Variants in DHRSX observed in about 807,000 individuals in gnomAD.
DHRSX encodes the protein dehydrogenase/reductase X-linked, also known as polyprenol dehydrogenase.
Under a neutral mutation model 34.0 loss-of-function variants are expected in DHRSX, and 31 were observed. The observed-to-expected ratio is 0.91, with a 90% CI of 0.69 to 1.23. The LOEUF is 1.23. Among genes scored for constraint, DHRSX ranks in the 50% most tolerant of loss-of-function variants. The pLI is 0.00. For synonymous variants in DHRSX, 201 were observed against 183.8 expected (o/e 1.09, Z -0.76); for missense variants, 414 against 428.1 (o/e 0.97, Z 0.29).
intron 3 of DHRSX, among the ~76,000 whole-genome samples, chrX:2,356,760 G>A (rs182584164): frequency 1.3e-3 from 201 of 152,262 alleles, no homozygotes; most frequent in African/African-American, 4.7e-3. Context: ...TTGATGAATA[G>A]TAAATGTAGT....
At chrX:2,269,623 G>A (rs1336782485) in intron 4 of DHRSX, among the ~76,000 whole-genome samples, 5 of 152,066 alleles carry the variant, frequency 3.3e-5, no homozygotes, top group East Asian at 3.9e-4. Flanking sequence ...TGCAACCTCC[G>A]CCTCCCAGGT....
chrX:2,465,059 C>A (rs1182274196), intron 1 of DHRSX, among the ~76,000 whole-genome samples: 1 of 151,494 alleles, frequency 6.6e-6, no homozygotes, highest in African/African-American at 2.4e-5. Context: ...GTTCCCTAGG[C>A]ATATGGCCAA....
At chrX:2,411,747 C>CAA (rs1353747133) in intron 2 of DHRSX, among the ~76,000 whole-genome samples, 2 of 95,220 alleles carry the variant, frequency 2.1e-5, no homozygotes, top group African/African-American at 7.5e-5. Flanking sequence ...CAAAACAAAA[C>CAA]AAAACAAAAA....
intron 1 of DHRSX, among the ~76,000 whole-genome samples, chrX:2,459,768 G>A (rs1218202982): frequency 1.3e-5 from 2 of 151,882 alleles, no homozygotes; most frequent in Admixed American, 6.6e-5. Context: ...ATGTTCCAAG[G>A]GGCTCCAAGT....
At chrX:2,489,976 C>A in intron 1 of DHRSX, 1 of 1,613,918 alleles carries the variant, frequency 6.2e-7, no homozygotes, top group Non-Finnish European at 8.5e-7. Context: ...AGAGCACTCG[C>A]GTGATGGTCT....
At chrX:2,447,389 T>A (rs2044152415) in intron 1 of DHRSX, among the ~76,000 whole-genome samples, 3 of 151,932 alleles carry the variant, frequency 2.0e-5, no homozygotes, top group African/African-American at 7.3e-5. Flanking sequence ...CAACGCCGTA[T>A]ACACACTGAA....
intron 3 of DHRSX, among the ~76,000 whole-genome samples, chrX:2,321,893 C>T (rs1421355032): frequency 6.6e-6 from 1 of 152,152 alleles, no homozygotes; most frequent in South Asian, 2.1e-4. Flanking sequence ...ACCTTCATGA[C>T]GATCCACTCC....
chrX:2,457,205 C>T (rs2044311141), intron 1 of DHRSX, among the ~76,000 whole-genome samples: 1 of 152,082 alleles, frequency 6.6e-6, no homozygotes, highest in Non-Finnish European at 1.5e-5. Context: ...AGAATGTGGC[C>T]AAGGGTCCAC....
intron 1 of DHRSX, among the ~76,000 whole-genome samples, chrX:2,446,328 C>T (rs1368530414): frequency 6.6e-6 from 1 of 151,684 alleles, no homozygotes; most frequent in Non-Finnish European, 1.5e-5. Context: ...AAGACATTCC[C>T]TAAGCATGTG....
intron 1 of DHRSX, among the ~76,000 whole-genome samples, chrX:2,493,876 G>A (rs1569348877): frequency 6.6e-6 from 1 of 152,138 alleles, no homozygotes; most frequent in Non-Finnish European, 1.5e-5. Context: ...GGAGGCTGAG[G>A]CACGAGAATC....
chrX:2,299,954 G>A (rs73185774), intron 3 of DHRSX, among the ~76,000 whole-genome samples: 52,004 of 151,886 alleles, frequency 0.34, 10,585 homozygotes, highest in Middle Eastern at 0.48. Flanking sequence ...AATTAATGCT[G>A]CCCAAGAGAT....
intron 3 of DHRSX, among the ~76,000 whole-genome samples, chrX:2,373,632 T>C (rs1264750837): frequency 2.0e-5 from 3 of 151,822 alleles, no homozygotes; most frequent in Non-Finnish European, 4.4e-5. Flanking sequence ...AATTATCAGG[T>C]TGGAGAAAAG....
intron 1 of DHRSX, among the ~76,000 whole-genome samples, chrX:2,445,859 A>C (rs1351782433): frequency 6.6e-6 from 1 of 150,932 alleles, no homozygotes; most frequent in Non-Finnish European, 1.5e-5. Context: ...TTCCCTAAGC[A>C]TGTGGCTAAG....
At chrX:2,394,342 C>T (rs968700378) in intron 3 of DHRSX, among the ~76,000 whole-genome samples, 7 of 152,154 alleles carry the variant, frequency 4.6e-5, no homozygotes, top group Admixed American at 2.6e-4. Context: ...GGAGGGAAAT[C>T]GGCCCCACCC....
At chrX:2,282,464 AAGAG>A (rs1213382177) in intron 4 of DHRSX, among the ~76,000 whole-genome samples, 8 of 147,304 alleles carry the variant, frequency 5.4e-5, no homozygotes, top group Admixed American at 1.4e-4. Context: ...GGAAGGAGGA[AAGAG>A]AGAGAAGTGG....
At chrX:2,345,293 T>A (rs1250803156) in intron 3 of DHRSX, among the ~76,000 whole-genome samples, 1 of 151,982 alleles carries the variant, frequency 6.6e-6, no homozygotes, top group Non-Finnish European at 1.5e-5. Flanking sequence ...ATCAGGAGAC[T>A]TTGAGTAAAG....
chrX:2,396,759 G>C (rs1264319103), intron 3 of DHRSX, among the ~76,000 whole-genome samples: 1 of 128,038 alleles, frequency 7.8e-6, no homozygotes, highest in East Asian at 2.4e-4. Context: ...CCTTATCTGT[G>C]TCTCCCTTTT....
chrX:2,471,746 G>C (rs1208184769), intron 1 of DHRSX, among the ~76,000 whole-genome samples: 1 of 152,148 alleles, frequency 6.6e-6, no homozygotes, highest in African/African-American at 2.4e-5. Context: ...GAAGCATTCA[G>C]TGTTTTCATG....
In DHRSX at chrX:2,230,512, C is replaced by T. The variant is rs149502127; in HGVS notation, c.805-9283G>A. Among the ~76,000 whole-genome samples, 209 of 152,268 alleles carry T rather than the reference C, an allele frequency of 1.4e-3. 2 individuals carry two copies. In the South Asian group the frequency reaches 0.03, roughly 22 times the overall value. On this transcript the variant is annotated intron_variant, in intron 6 of 6. Coordinates refer to ENST00000334651, the MANE Select transcript of DHRSX (RefSeq NM_145177.3). ...GTGGGCTCTGTGATGATTGAGTTCA[C>T]GTATCAATTGGCTGGGCTATGGTGC...
Sources: gnomAD v4.1 joint callset for allele counts (sites outside exome capture counted in the v4.1 genomes callset) on GRCh38, gnomAD v4.1.1 for gene constraint, MANE v1.5 for transcripts, NCBI Gene and HGNC (gene_info 2026-07-23, HGNC 2026-07-21) for gene names.